Variants in DYSF observed in about 807,000 individuals in gnomAD.
DYSF encodes dystrophy-associated fer-1-like 1.
A neutral mutation model predicts 274.9 loss-of-function variants in DYSF; 212 were observed. The observed-to-expected ratio is 0.77, with a 90% CI of 0.69 to 0.86. The LOEUF is 0.86. DYSF is among the 40% of genes least tolerant of loss of function. The probability of loss-of-function intolerance (pLI) is 0.00; values close to 1 mark genes in which losing one functional copy is unlikely to be tolerated. For missense variants in DYSF, 2,666 were observed against 2,783.2 expected (o/e 0.96, Z 0.95); for synonymous variants, 1,091 against 1,078.7 (o/e 1.01, Z -0.22).
chr2:71,491,639 C>T (rs888003649), intron 3 of DYSF, among the ~76,000 whole-genome samples: 2 of 152,184 alleles, frequency 1.3e-5, no homozygotes, highest in Non-Finnish European at 2.9e-5. Flanking sequence ...ATTTAGCTCC[C>T]ACTTATAAGT....
intron 13 of DYSF, 65 bp downstream of exon 13, chr2:71,526,411 T>TG: frequency 6.5e-6 from 2 of 306,924 alleles, no homozygotes; most frequent in East Asian, 1.1e-4. Context: ...CTGGTGGGGG[T>TG]GGGCGATGGC....
chr2:71,515,678 T>C lies in DYSF; in HGVS notation c.815T>C (p.Val272Ala). 6.2e-7 allele frequency: 1 copy of C among 1,613,960 alleles called. No homozygotes were observed. Among genetic ancestry groups the C allele is most frequent in the Non-Finnish European group, 8.5e-7 (1 of 1,179,966 alleles). ...CTGCCGGGGGTGAACATCAAGCCTG[T>C]GGTCAAGGTTACCGCTGCAGGGCAG... ...RQLPGVNIKP[V>A]VKVTAAGQTK... Residue 272 changes from valine (V) to alanine (A), a missense_variant, in exon 8 of 56, where the codon GTG becomes GCG. Val to Ala is a moderately conservative substitution (Grantham distance 64). Transcript: ENST00000410020.
At chr2:71,619,766 C>T (rs2152893673) in intron 40 of DYSF, among the ~76,000 whole-genome samples, 1 of 152,264 alleles carries the variant, frequency 6.6e-6, no homozygotes, top group Middle Eastern at 3.4e-3. Flanking sequence ...CACCTGCTAG[C>T]CTGGTACTCA....
chr2:71,509,931 A>C (rs894876014), intron 4 of DYSF, among the ~76,000 whole-genome samples: 1 of 152,142 alleles, frequency 6.6e-6, no homozygotes, highest in African/African-American at 2.4e-5. Flanking sequence ...GCATGCCACC[A>C]CGCCTGGCTA....
intron 12 of DYSF, among the ~76,000 whole-genome samples, chr2:71,525,994 C>T (rs973055631): frequency 2.0e-5 from 3 of 152,182 alleles, no homozygotes; most frequent in Non-Finnish European, 4.4e-5. Flanking sequence ...AGATGTTCCT[C>T]GCACAGTCCT....
chr2:71,583,625 A>G (rs1473325806), intron 30 of DYSF, among the ~76,000 whole-genome samples: 1 of 152,132 alleles, frequency 6.6e-6, no homozygotes, highest in South Asian at 2.1e-4. Context: ...CTGAGCCAGA[A>G]CTCTAGGCCC....
intron 40 of DYSF, among the ~76,000 whole-genome samples, chr2:71,618,455 GTT>G (rs1491541467): frequency 4.8e-3 from 92 of 19,010 alleles, no homozygotes; most frequent in African/African-American, 0.016. Flanking sequence ...TAGAGGTGGG[GTT>G]GTGTGTGTGT....
chr2:71,678,993 A>AAGG, intron 52 of DYSF, 64 bp from the exon 53 acceptor site: 2 of 1,499,212 alleles, frequency 1.3e-6, no homozygotes, highest in Non-Finnish European at 1.9e-6. Context: ...TGCCCTGCCT[A>AAGG]AGGGTGGCTA....
intron 52 of DYSF, among the ~76,000 whole-genome samples, chr2:71,675,498 T>A (rs2152963108): frequency 6.6e-6 from 1 of 152,280 alleles, no homozygotes; most frequent in Non-Finnish European, 1.5e-5. Context: ...GCAGGGGATA[T>A]TCTGAGGCGC....
At chr2:71,639,450 C>T (rs998180906) in intron 41 of DYSF, among the ~76,000 whole-genome samples, 3 of 152,164 alleles carry the variant, frequency 2.0e-5, no homozygotes, top group Admixed American at 6.5e-5. Flanking sequence ...TTCAGAGTGC[C>T]ACTATGAACT....
At chr2:71,639,705 T>C (rs1039869847) in intron 41 of DYSF, among the ~76,000 whole-genome samples, 1 of 152,236 alleles carries the variant, frequency 6.6e-6, no homozygotes, top group East Asian at 1.9e-4. Context: ...GTAAAATCTT[T>C]ATGCATATCC....
intron 29 of DYSF, among the ~76,000 whole-genome samples, chr2:71,571,841 GCACAGATCACACCCACCACA>G (rs1225276893): frequency 7.1e-5 from 5 of 70,126 alleles, no homozygotes; most frequent in East Asian, 5.0e-4. Context: ...CCCAGCACAT[GCACAGATCACACCCACCACA>G]CACAGATCAC....
intron 40 of DYSF, among the ~76,000 whole-genome samples, chr2:71,620,069 G>A (rs565907694): frequency 2.0e-5 from 3 of 152,352 alleles, no homozygotes; most frequent in Non-Finnish European, 2.9e-5. Context: ...TGTCCTGGAG[G>A]AGGGAAGACT....
chr2:71,478,274 C>CAGTGG (rs2082561577), intron 1 of DYSF, among the ~76,000 whole-genome samples: 1 of 149,648 alleles, frequency 6.7e-6, no homozygotes, highest in Non-Finnish European at 1.5e-5. Flanking sequence ...TGCAGTGGTG[C>CAGTGG]CATCTCGGCT....
chr2:71,460,323 C>T (rs2081235573), intron 1 of DYSF, among the ~76,000 whole-genome samples: 1 of 152,194 alleles, frequency 6.6e-6, no homozygotes, highest in Non-Finnish European at 1.5e-5. Context: ...AGGACATATC[C>T]AGGCAGTTAT....
intron 52 of DYSF, among the ~76,000 whole-genome samples, chr2:71,676,439 C>T (rs1398091814): frequency 1.3e-5 from 2 of 151,850 alleles, no homozygotes; most frequent in African/African-American, 4.8e-5. Flanking sequence ...CATGGTTTTG[C>T]AATATTCATC....
At position 71,611,263 on chromosome 2, in the gene DYSF, C is replaced by T. The variant is rs538288819; in HGVS notation, c.3976C>T (p.Pro1326Ser). 3 of 1,613,880 alleles carry T rather than the reference C, an allele frequency of 1.9e-6. No homozygotes were observed. Among genetic ancestry groups the T allele is most frequent in the South Asian group, 2.2e-5 (2 of 91,076 alleles). ...ILDESEDTDL[P>S]YPPPQREANI... is the part of the protein sequence containing the mutation. Reference sequence around the variant, plus strand: ...ACTGCAGTCTGAGGACACAGACCTGCCCTACCCACCACCCCAGAGGGAGGC... The same window carrying T: ...ACTGCAGTCTGAGGACACAGACCTGTCCTACCCACCACCCCAGAGGGAGGC... The change falls in exon 37 of 56, where the codon CCC becomes TCC. Residue 1326 changes from proline to serine, a missense_variant. Transcript: ENST00000410020.
At chr2:71,616,377 G>A (rs1032767061) in intron 40 of DYSF, among the ~76,000 whole-genome samples, 9 of 149,456 alleles carry the variant, frequency 6.0e-5, no homozygotes, top group Admixed American at 2.7e-4. Flanking sequence ...ATACTCACAC[G>A]TATTAACTCC....
At chr2:71,605,916 G>T (rs1236847331) in intron 36 of DYSF, among the ~76,000 whole-genome samples, 1 of 152,184 alleles carries the variant, frequency 6.6e-6, no homozygotes, top group African/African-American at 2.4e-5. Context: ...GGGGCAGGCA[G>T]ACAATGGAGC....
Sources: allele counts gnomAD v4.1 joint callset (sites outside exome capture counted in the v4.1 genomes callset), GRCh38; gene constraint gnomAD v4.1.1; transcripts MANE v1.5; gene names NCBI Gene and HGNC (gene_info 2026-07-23, HGNC 2026-07-21).